The following SMAD2 variants were observed in gnomAD, a reference collection of about 807,000 sequenced individuals.
The protein encoded by SMAD2 is SMAD family member 2, also known as MAD homolog 2.
In SMAD2, 8 loss-of-function variants were observed where a neutral mutation model predicts 64.4. That is an observed-to-expected ratio of 0.12 (90% CI 0.07 to 0.22). SMAD2 has a LOEUF of 0.22. Ranked by LOEUF, SMAD2 falls within the 10% of genes least tolerant of loss-of-function variation. The probability of loss-of-function intolerance (pLI) is 1.00; values close to 1 mark genes in which losing one functional copy is unlikely to be tolerated. For missense variants in SMAD2, 289 were observed against 561.2 expected (o/e 0.51, Z 4.90); for synonymous variants, 203 against 195.8 (o/e 1.04, Z -0.31).
At chr18:47,897,542 T>C (rs558151166) in intron 1 of SMAD2, among the ~76,000 whole-genome samples, 3 of 152,362 alleles carry the variant, frequency 2.0e-5, no homozygotes, top group African/African-American at 7.2e-5. Flanking sequence ...TTTACAAATA[T>C]AAACATGTAT....
At position 47,845,664 on chromosome 18, in the gene SMAD2, T is replaced by C; in HGVS notation, c.1134A>G (p.Pro378=). Reference sequence around the variant, plus strand: ...TTATGTACATTATTGAATCCATACCTGGTGGAATTTTACACACTGTTGCAG... The same window carrying C: ...TTATGTACATTATTGAATCCATACCCGGTGGAATTTTACACACTGTTGCAG... ...WHPATVCKIP[P]GCNLKIFNNQ... is the part of the protein sequence containing the mutation. Residue 378 remains proline, a splice_region_variant and synonymous_variant, in exon 9 of 11, where the codon CCA becomes CCG. Transcript: ENST00000262160. 2 of 1,613,952 alleles carry C rather than the reference T, an allele frequency of 1.2e-6. No individual in the cohort carries two copies. The highest frequency in any genetic ancestry group is 1.7e-6 in the Non-Finnish European group (2 of 1,179,848).
chr18:47,911,906 A>G (rs748962491), intron 1 of SMAD2, among the ~76,000 whole-genome samples: 6 of 152,226 alleles, frequency 3.9e-5, no homozygotes, highest in Admixed American at 2.0e-4. Context: ...CAAAAAGTGT[A>G]CTTGGCTACC....
intron 7 of SMAD2, among the ~76,000 whole-genome samples, chr18:47,850,589 ATT>A (rs1402058489): frequency 1.0e-3 from 55 of 54,954 alleles, no homozygotes; most frequent in Non-Finnish European, 1.2e-3. Flanking sequence ...TTATATATAT[ATT>A]ATATATATTA....
chr18:47,842,961 T>C (rs531250574), intron 10 of SMAD2, among the ~76,000 whole-genome samples: 1 of 152,314 alleles, frequency 6.6e-6, no homozygotes, highest in East Asian at 1.9e-4. Flanking sequence ...CTAACAGCCC[T>C]TCAAATATGA....
intron 2 of SMAD2, among the ~76,000 whole-genome samples, chr18:47,872,177 T>C (rs977697343): frequency 6.6e-6 from 1 of 152,182 alleles, no homozygotes; most frequent in African/African-American, 2.4e-5. Flanking sequence ...TGCCATAGGG[T>C]ATATTTAAGC....
Position 47,817,968 on chromosome 18 carries a change from G to A in SMAD2, c.*23859C>T, listed in dbSNP as rs996427379. ...AAAATGGAAATTCTCAAACATTAAG[G>A]CATGCCTGCTTTTCTGGGACTTCAG... is the stretch of plus-strand genomic sequence containing the variant. On this transcript the variant is annotated 3_prime_UTR_variant, in exon 11 of 11. Coordinates refer to ENST00000262160, the MANE Select transcript of SMAD2 (RefSeq NM_005901.6). The A allele has an allele frequency of 5.9e-5, 9 of 152,180 alleles. No homozygotes were observed. The highest frequency in any genetic ancestry group is 1.9e-4 in the African/African-American group (8 of 41,434). The allele number at this position is 152,180 out of a possible 1,614,324, so 9.4% of individuals were successfully genotyped here.
At chr18:47,856,339 G>A (rs1205204278) in intron 6 of SMAD2, among the ~76,000 whole-genome samples, 1 of 152,096 alleles carries the variant, frequency 6.6e-6, no homozygotes, top group South Asian at 2.1e-4. Context: ...AATTTTAGGT[G>A]CTCTTATCAC....
chr18:47,925,536 T>C (rs1205288051), intron 1 of SMAD2, among the ~76,000 whole-genome samples: 1 of 150,934 alleles, frequency 6.6e-6, no homozygotes, highest in Non-Finnish European at 1.5e-5. Flanking sequence ...TACATGAAAT[T>C]GCTGAACTGA....
In SMAD2 at chr18:47,850,351, TACATAA is replaced by T. The variant is rs1915128954; in HGVS notation, c.784+917_784+922del. 4.9e-5 allele frequency among the ~76,000 whole-genome samples: 2 copies of T among 40,482 alleles called. 1 individual carries two copies. The highest frequency in any genetic ancestry group is 7.8e-5 in the Non-Finnish European group (2 of 25,686). The allele number at this position is 40,482 out of a possible 152,430, so 26.6% of individuals were successfully genotyped here. On this transcript the variant is annotated intron_variant, in intron 7 of 10. Coordinates refer to ENST00000262160, the MANE Select transcript of SMAD2 (RefSeq NM_005901.6). ...TGTATAATATATGTTATATATATTA[TACATAA>T]TATGTATAATATATATTATATATAT... is the stretch of plus-strand genomic sequence containing the variant.
At chr18:47,845,993 T>G (rs1343691430) in intron 8 of SMAD2, among the ~76,000 whole-genome samples, 193 bp from the exon 9 acceptor site, 1 of 152,158 alleles carries the variant, frequency 6.6e-6, no homozygotes, top group Non-Finnish European at 1.5e-5. Flanking sequence ...AACAATAATT[T>G]TATTGATTTT....
At chr18:47,859,003 C>T (rs890041712) in intron 6 of SMAD2, among the ~76,000 whole-genome samples, 5 of 151,958 alleles carry the variant, frequency 3.3e-5, no homozygotes, top group Non-Finnish European at 7.4e-5. Context: ...ATGCTGTCCA[C>T]AAGAAACACA....
intron 1 of SMAD2, among the ~76,000 whole-genome samples, chr18:47,924,145 G>T: frequency 6.6e-6 from 1 of 151,682 alleles, no homozygotes; most frequent in African/African-American, 2.4e-5. Flanking sequence ...CTACTCAGGA[G>T]GCTGAGGCAG....
intron 1 of SMAD2, among the ~76,000 whole-genome samples, chr18:47,928,095 C>T (rs912831792): frequency 6.6e-6 from 1 of 151,984 alleles, no homozygotes; most frequent in Non-Finnish European, 1.5e-5. Flanking sequence ...AAAAGACATG[C>T]CCCCCTCTAC....
intron 1 of SMAD2, among the ~76,000 whole-genome samples, chr18:47,928,423 T>C (rs1351304736): frequency 1.3e-5 from 2 of 152,242 alleles, no homozygotes; most frequent in African/African-American, 4.8e-5. Context: ...AACATGATTC[T>C]AATATTTACA....
chr18:47,893,067 C>T (rs536435594), intron 2 of SMAD2, among the ~76,000 whole-genome samples: 24 of 152,146 alleles, frequency 1.6e-4, no homozygotes, highest in Non-Finnish European at 2.9e-4. Context: ...TCTGATTTCA[C>T]GACCAAGTTG....
At position 47,833,402 on chromosome 18, in the gene SMAD2, TAATAAA is replaced by T. The variant is rs1472490666; in HGVS notation, c.*8419_*8424del. 1.3e-5 allele frequency: 3 copies of T among 223,700 alleles called. No individual in the cohort carries two copies. The highest frequency in any genetic ancestry group is 4.5e-5 in the African/African-American group (2 of 44,778). 13.9% of individuals were successfully genotyped at this position (223,700 alleles called of 1,614,324 possible). A position where few individuals can be genotyped will look rare whatever the true frequency, so the allele number is the denominator to read the frequency against. The stretch of plus-strand genomic sequence containing the variant: ...TGTAATAAAGCCTCAGCTCATTGTT[TAATAAA>T]AATAAAAAAGGAACCACATCGTACT... On this transcript the variant is annotated 3_prime_UTR_variant, in exon 11 of 11. Transcript: ENST00000262160.
intron 1 of SMAD2, among the ~76,000 whole-genome samples, chr18:47,899,462 T>C (rs2033588410): frequency 6.6e-6 from 1 of 152,020 alleles, no homozygotes; most frequent in Non-Finnish European, 1.5e-5. Flanking sequence ...AGTGGATGAT[T>C]AGGGAGAAAG....
At chr18:47,924,163 G>A (rs897355669) in intron 1 of SMAD2, among the ~76,000 whole-genome samples, 3 of 149,728 alleles carry the variant, frequency 2.0e-5, no homozygotes, top group Admixed American at 1.4e-4. Context: ...CAGGAGAACT[G>A]CTTGAACCTA....
Position 47,820,920 on chromosome 18 carries a change from C to G in SMAD2, c.*20907G>C, listed in dbSNP as rs1292047899. Reference sequence around the variant, plus strand: ...ATACACACACACACACACACACACACACACACACACACACACACACAAAAT... The same window carrying G: ...ATACACACACACACACACACACACAGACACACACACACACACACACAAAAT... On this transcript the variant is annotated 3_prime_UTR_variant, in exon 11 of 11. Coordinates refer to ENST00000262160, the MANE Select transcript of SMAD2 (RefSeq NM_005901.6). The G allele has an allele frequency of 1.4e-5, 2 of 148,048 alleles. No individual in the cohort carries two copies. Among genetic ancestry groups the G allele is most frequent in the Non-Finnish European group, 3.0e-5 (2 of 67,652 alleles). 9.2% of individuals were successfully genotyped at this position (148,048 alleles called of 1,614,324 possible). A position where few individuals can be genotyped will look rare whatever the true frequency, so the allele number is the denominator to read the frequency against.
Sources: allele counts gnomAD v4.1 joint callset (sites outside exome capture counted in the v4.1 genomes callset), GRCh38; gene constraint gnomAD v4.1.1; transcripts MANE v1.5; gene names NCBI Gene and HGNC (gene_info 2026-07-23, HGNC 2026-07-21).